The following DLGAP2 variants were observed in gnomAD, a reference collection of about 807,000 sequenced individuals.
DLGAP2 encodes DLG associated protein 2, also known as disks large-associated protein 2.
Under a neutral mutation model 100.3 loss-of-function variants are expected in DLGAP2, and 26 were observed. That is an observed-to-expected ratio of 0.26 (90% CI 0.19 to 0.36). The LOEUF (loss-of-function observed/expected upper bound fraction) is 0.36, where lower values mean the gene tolerates loss of function less well. DLGAP2 is among the 10% of genes least tolerant of loss of function. DLGAP2 has a pLI of 1.00. For missense variants in DLGAP2, 1,858 were observed against 1,453.2 expected (o/e 1.28, Z -4.53); for synonymous variants, 886 against 630.1 (o/e 1.41, Z -6.08).
intron 2 of DLGAP2, among the ~76,000 whole-genome samples, chr8:1,251,471 G>T (rs1477044048): frequency 1.3e-5 from 2 of 152,192 alleles, no homozygotes; most frequent in African/African-American, 4.8e-5. Flanking sequence ...CAGGGTCTCT[G>T]TCTGTCCCCA....
intron 3 of DLGAP2, among the ~76,000 whole-genome samples, chr8:1,312,117 C>T (rs140820880): frequency 3.3e-5 from 5 of 152,316 alleles, no homozygotes; most frequent in East Asian, 1.9e-4. Flanking sequence ...TTCCCAAGCT[C>T]GCACAGAACA....
intron 4 of DLGAP2, among the ~76,000 whole-genome samples, chr8:1,536,330 A>C (rs2130472794): frequency 6.6e-6 from 1 of 152,288 alleles, no homozygotes; most frequent in African/African-American, 2.4e-5. Flanking sequence ...ACATGAAATC[A>C]GCACCATGCC....
chr8:1,661,617 G>A (rs1798410754), intron 8 of DLGAP2, among the ~76,000 whole-genome samples: 1 of 152,202 alleles, frequency 6.6e-6, no homozygotes, highest in East Asian at 1.9e-4. Context: ...GCGGCCACCA[G>A]GAAGCAGATG....
chr8:1,246,602 T>A (rs1399133286), intron 2 of DLGAP2, among the ~76,000 whole-genome samples: 1 of 152,252 alleles, frequency 6.6e-6, no homozygotes, highest in East Asian at 1.9e-4. Context: ...TAGGAAATCC[T>A]AAACTTACCA....
chr8:895,402 G>T lies in DLGAP2; in HGVS notation c.19-12510G>T, dbSNP rs991311168. ...GCAGCATCCCCCGTGCTGAGACACA[G>T]CAGCTCTTTCCACCTCTGTTTCCGG... is the stretch of plus-strand genomic sequence containing the variant. On this transcript the variant is annotated intron_variant, in intron 1 of 14. Transcript: ENST00000637795. Among the ~76,000 whole-genome samples the T allele has an allele frequency of 2.0e-5, 3 of 152,188 alleles. No individual in the cohort carries two copies. In the South Asian group the frequency reaches 6.2e-4, roughly 32 times the overall value.
chr8:914,948 T>A (rs1485819314), intron 2 of DLGAP2, among the ~76,000 whole-genome samples: 2 of 151,998 alleles, frequency 1.3e-5, no homozygotes, highest in Admixed American at 6.6e-5. Flanking sequence ...TCCTTGGGGG[T>A]GTCAGGAGGG....
At chr8:1,302,762 C>T (rs1163039965) in intron 3 of DLGAP2, among the ~76,000 whole-genome samples, 1 of 152,270 alleles carries the variant, frequency 6.6e-6, no homozygotes, top group African/African-American at 2.4e-5. Flanking sequence ...CTTGCCCCGC[C>T]TGGGGACCAT....
chr8:1,448,063 G>C (rs564015284), intron 3 of DLGAP2, among the ~76,000 whole-genome samples: 17 of 152,122 alleles, frequency 1.1e-4, no homozygotes, highest in African/African-American at 3.9e-4. Flanking sequence ...ATTTTTTGAA[G>C]GGTTTTTTGT....
At chr8:1,420,069 T>C (rs1797045904) in intron 3 of DLGAP2, among the ~76,000 whole-genome samples, 1 of 152,186 alleles carries the variant, frequency 6.6e-6, no homozygotes, top group African/African-American at 2.4e-5. Context: ...TCACTGGCCA[T>C]CCCTGATCCA....
chr8:1,482,516 A>G (rs1244486370), intron 3 of DLGAP2, among the ~76,000 whole-genome samples: 1 of 152,268 alleles, frequency 6.6e-6, no homozygotes, highest in Non-Finnish European at 1.5e-5. Context: ...TTAATTTTTT[A>G]CACGGTAGTC....
chr8:1,352,760 C>G (rs1292628428), intron 3 of DLGAP2, among the ~76,000 whole-genome samples: 1 of 152,128 alleles, frequency 6.6e-6, no homozygotes, highest in Non-Finnish European at 1.5e-5. Context: ...TCCTGCCTTT[C>G]TGAGGTTGGT....
At chr8:1,673,328 A>G (rs1403316288) in intron 10 of DLGAP2, among the ~76,000 whole-genome samples, 1 of 152,166 alleles carries the variant, frequency 6.6e-6, no homozygotes, top group Non-Finnish European at 1.5e-5. Context: ...TTTCCATTGT[A>G]TAAAATAATT....
chr8:1,624,865 CTCTG>C (rs1797451001), intron 6 of DLGAP2, among the ~76,000 whole-genome samples: 1 of 148,092 alleles, frequency 6.8e-6, no homozygotes, highest in African/African-American at 2.6e-5. Context: ...CTCTCTCTCT[CTCTG>C]TCTCTCTCTC....
chr8:1,241,705 T>G (rs1216861317), intron 2 of DLGAP2, among the ~76,000 whole-genome samples: 1 of 151,832 alleles, frequency 6.6e-6, no homozygotes, highest in Non-Finnish European at 1.5e-5. Flanking sequence ...AGGGCAAGTG[T>G]GTAATTTAGA....
At chr8:1,604,046 G>T (rs1940441784) in intron 6 of DLGAP2, among the ~76,000 whole-genome samples, 1 of 152,082 alleles carries the variant, frequency 6.6e-6, no homozygotes, top group African/African-American at 2.4e-5. Context: ...TGATGCCCAA[G>T]ACACAGCTGG....
At chr8:1,226,409 G>A (rs1160024742) in intron 2 of DLGAP2, among the ~76,000 whole-genome samples, 1 of 152,172 alleles carries the variant, frequency 6.6e-6, no homozygotes, top group African/African-American at 2.4e-5. Context: ...TTATAAGTGG[G>A]AGCTGAACAA....
intron 2 of DLGAP2, among the ~76,000 whole-genome samples, chr8:1,203,537 A>G (rs1797927479): frequency 6.6e-6 from 1 of 152,030 alleles, no homozygotes; most frequent in Non-Finnish European, 1.5e-5. Context: ...TCTCTGTGGA[A>G]CAGATGCTAA....
At chr8:1,664,711 C>T (rs1053803276) in intron 8 of DLGAP2, among the ~76,000 whole-genome samples, 3 of 152,216 alleles carry the variant, frequency 2.0e-5, no homozygotes, top group Admixed American at 2.0e-4. Context: ...TGCAGCCTTG[C>T]TGATAACGGT....
intron 2 of DLGAP2, among the ~76,000 whole-genome samples, chr8:942,566 T>C (rs1447957201): frequency 6.6e-6 from 1 of 152,240 alleles, no homozygotes; most frequent in Non-Finnish European, 1.5e-5. Context: ...TTTCACGGCA[T>C]TTGGCAGCTC....
Sources: allele counts gnomAD v4.1 joint callset (sites outside exome capture counted in the v4.1 genomes callset), GRCh38; gene constraint gnomAD v4.1.1; transcripts MANE v1.5; gene names NCBI Gene and HGNC (gene_info 2026-07-23, HGNC 2026-07-21).